EYS: variants seen among roughly 807,000 people sequenced by gnomAD.
EYS encodes protein eyes shut homolog.
Under a neutral mutation model 282.1 loss-of-function variants are expected in EYS, and 250 were observed. The ratio of observed to expected loss-of-function variants is 0.89; its 90% CI spans 0.80 to 0.98. The LOEUF is 0.98. Among genes scored for constraint, EYS ranks in the 50% least tolerant of loss-of-function variants. EYS has a pLI of 0.00. For synonymous variants in EYS, 1,355 were observed against 1,282.9 expected (o/e 1.06, Z -1.20); for missense variants, 4,016 against 3,709.0 (o/e 1.08, Z -2.15).
At chr6:65,549,416 A>G (rs7767793) in intron 2 of EYS, among the ~76,000 whole-genome samples, 2,415 of 152,240 alleles carry the variant, frequency 0.016, 59 homozygotes, top group African/African-American at 0.055. Flanking sequence ...TGCAGCCTGA[A>G]CCCATATATG....
intron 36 of EYS, among the ~76,000 whole-genome samples, chr6:63,818,378 A>C (rs887668331): frequency 6.6e-5 from 10 of 152,186 alleles, no homozygotes; most frequent in African/African-American, 2.4e-4. Flanking sequence ...TTTCTGTTGG[A>C]GTTCACAGAA....
At chr6:65,642,314 G>A (rs775933892) in intron 1 of EYS, among the ~76,000 whole-genome samples, 10 of 151,946 alleles carry the variant, frequency 6.6e-5, no homozygotes, top group Non-Finnish European at 1.5e-4. Context: ...ATAATTAACT[G>A]TATAATTAAG....
At chr6:65,661,816 G>C (rs1768010129) in intron 1 of EYS, among the ~76,000 whole-genome samples, 2 of 152,234 alleles carry the variant, frequency 1.3e-5, no homozygotes, top group South Asian at 4.1e-4. Flanking sequence ...GGTTTGGTTA[G>C]AGAATAGAAT....
At chr6:64,661,382 C>A (rs1769012866) in intron 22 of EYS, among the ~76,000 whole-genome samples, 2 of 152,088 alleles carry the variant, frequency 1.3e-5, no homozygotes, top group African/African-American at 2.4e-5. Flanking sequence ...CCAAAATTGA[C>A]AAATGGTATC....
chr6:65,658,737 C>T (rs987390595), intron 1 of EYS, among the ~76,000 whole-genome samples: 1 of 151,488 alleles, frequency 6.6e-6, no homozygotes, highest in Non-Finnish European at 1.5e-5. Context: ...TGAACTGCAG[C>T]CTTTCCTAAC....
At chr6:65,214,707 A>G (rs1283250661) in intron 12 of EYS, among the ~76,000 whole-genome samples, 2 of 152,230 alleles carry the variant, frequency 1.3e-5, no homozygotes, top group African/African-American at 4.8e-5. Flanking sequence ...TTTCACAGCT[A>G]TGGAGGAGAC....
intron 35 of EYS, among the ~76,000 whole-genome samples, chr6:63,895,695 TTACA>T (rs142077434): frequency 0.011 from 1,732 of 152,248 alleles, 36 homozygotes; most frequent in African/African-American, 0.04. Flanking sequence ...CTTGCTTGCC[TTACA>T]TACTATTTAA....
intron 22 of EYS, among the ~76,000 whole-genome samples, chr6:64,695,587 C>CTTTTT (rs70999162): frequency 7.0e-6 from 1 of 141,852 alleles, no homozygotes; most frequent in Non-Finnish European, 1.5e-5. Flanking sequence ...TTTCTTTTAA[C>CTTTTT]TTTTTTTTTT....
chr6:65,532,656 T>G (rs1029301192), intron 2 of EYS, among the ~76,000 whole-genome samples: 5 of 152,134 alleles, frequency 3.3e-5, no homozygotes, highest in Non-Finnish European at 5.9e-5. Context: ...TCAGGAATAT[T>G]TTCTCACTTT....
At chr6:65,403,793 G>C (rs953048273) in intron 6 of EYS, among the ~76,000 whole-genome samples, 1 of 151,818 alleles carries the variant, frequency 6.6e-6, no homozygotes, top group African/African-American at 2.4e-5. Flanking sequence ...ACTAAAAGTC[G>C]CTTCTTATAT....
intron 31 of EYS, among the ~76,000 whole-genome samples, chr6:64,144,331 G>T (rs1261050721): frequency 6.6e-6 from 1 of 152,140 alleles, no homozygotes; most frequent in Admixed American, 6.6e-5. Flanking sequence ...GTTTCACAAA[G>T]CCATGACTAG....
chr6:64,705,899 A>T (rs1322756201), intron 22 of EYS, among the ~76,000 whole-genome samples: 2 of 150,576 alleles, frequency 1.3e-5, no homozygotes, highest in African/African-American at 4.9e-5. Context: ...GACGAGTTAG[A>T]GGGTGCAGCG....
intron 14 of EYS, among the ~76,000 whole-genome samples, chr6:64,985,551 G>A (rs556435023): frequency 6.6e-6 from 1 of 151,448 alleles, no homozygotes; most frequent in African/African-American, 2.4e-5. Flanking sequence ...TCTAAGTGAG[G>A]TCTAAAAATA....
At chr6:63,748,689 T>C (rs1769268935) in intron 41 of EYS, among the ~76,000 whole-genome samples, 1 of 152,168 alleles carries the variant, frequency 6.6e-6, no homozygotes, top group Admixed American at 6.5e-5. Context: ...TTTCAGGGAT[T>C]CAGGTTCTTT....
intron 22 of EYS, among the ~76,000 whole-genome samples, chr6:64,769,491 C>T (rs1773459715): frequency 6.6e-6 from 1 of 152,016 alleles, no homozygotes; most frequent in South Asian, 2.1e-4. Flanking sequence ...TATGTAATAA[C>T]TATTGCTAGC....
chr6:64,151,096 CAT>C (rs1186560582), intron 31 of EYS, among the ~76,000 whole-genome samples: 3 of 151,114 alleles, frequency 2.0e-5, no homozygotes, highest in Non-Finnish European at 2.9e-5. Context: ...TTTGTGTAAT[CAT>C]ATTCAAACTT....
At chr6:65,567,425 T>G (rs1764314179) in intron 2 of EYS, among the ~76,000 whole-genome samples, 1 of 151,488 alleles carries the variant, frequency 6.6e-6, no homozygotes, top group Admixed American at 6.6e-5. Flanking sequence ...TATAAATTGA[T>G]GTTTATTAAA....
intron 13 of EYS, among the ~76,000 whole-genome samples, chr6:65,055,812 G>T (rs1187264148): frequency 5.9e-5 from 9 of 151,992 alleles, no homozygotes; most frequent in Admixed American, 5.9e-4. Flanking sequence ...AAAAGTTTAG[G>T]TTATTAACAC....
At chr6:65,620,848 T>C (rs994861448) in intron 2 of EYS, among the ~76,000 whole-genome samples, 17 of 152,184 alleles carry the variant, frequency 1.1e-4, no homozygotes, top group African/African-American at 3.9e-4. Context: ...TCAGTTTCCA[T>C]GTAGTTGAGC....
Sources: allele counts gnomAD v4.1 joint callset (sites outside exome capture counted in the v4.1 genomes callset), GRCh38; gene constraint gnomAD v4.1.1; transcripts MANE v1.5; gene names NCBI Gene and HGNC (gene_info 2026-07-23, HGNC 2026-07-21).